LDB2: variants seen among roughly 807,000 people sequenced by gnomAD.
LDB2 encodes LIM domain binding 2, also known as LIM domain-binding protein 2.
A neutral mutation model predicts 44.3 loss-of-function variants in LDB2; 12 were observed. That is an observed-to-expected ratio of 0.27 (90% CI 0.17 to 0.44). The LOEUF is 0.44. LDB2 is among the 20% of genes least tolerant of loss of function. The pLI, the probability that LDB2 is intolerant of heterozygous loss-of-function variation, is 1.00. For missense variants in LDB2, 344 were observed against 473.5 expected (o/e 0.73, Z 2.54); for synonymous variants, 164 against 174.8 (o/e 0.94, Z 0.49).
At chr4:16,611,149 C>G (rs1024763190) in intron 2 of LDB2, among the ~76,000 whole-genome samples, 48 of 152,114 alleles carry the variant, frequency 3.2e-4, no homozygotes, top group African/African-American at 1.1e-3. Context: ...AAAATCCTTT[C>G]CAGACAAGCA....
intron 2 of LDB2, among the ~76,000 whole-genome samples, chr4:16,670,550 T>G (rs886361638): frequency 3.9e-5 from 6 of 152,208 alleles, no homozygotes; most frequent in Admixed American, 1.3e-4. Context: ...TTCCAAAGTT[T>G]AGAACTAGTT....
At chr4:16,532,986 C>CTCAA (rs1373787679) in intron 5 of LDB2, among the ~76,000 whole-genome samples, 1 of 152,206 alleles carries the variant, frequency 6.6e-6, no homozygotes, top group Non-Finnish European at 1.5e-5. Flanking sequence ...AACTCAACAT[C>CTCAA]TCAATCAGCT....
chr4:16,646,996 A>G (rs922549921), intron 2 of LDB2, among the ~76,000 whole-genome samples: 7 of 152,238 alleles, frequency 4.6e-5, no homozygotes, highest in Non-Finnish European at 8.8e-5. Context: ...TATCCATGTA[A>G]AAACTTGTAC....
intron 2 of LDB2, among the ~76,000 whole-genome samples, chr4:16,684,197 A>G (rs1479448484): frequency 2.0e-5 from 3 of 152,220 alleles, no homozygotes; most frequent in Non-Finnish European, 2.9e-5. Flanking sequence ...CTTTTACATC[A>G]GCAACTAATT....
chr4:16,596,756 C>T (rs1721039208), intron 2 of LDB2, among the ~76,000 whole-genome samples: 2 of 152,092 alleles, frequency 1.3e-5, no homozygotes, highest in Non-Finnish European at 2.9e-5. Context: ...TGGTCCTGTC[C>T]CATTTTAGTT....
chr4:16,709,159 T>A (rs1406276574), intron 2 of LDB2, among the ~76,000 whole-genome samples: 1 of 152,182 alleles, frequency 6.6e-6, no homozygotes, highest in African/African-American at 2.4e-5. Context: ...TCAATAAATA[T>A]TTCTTGAATA....
chr4:16,625,039 T>G (rs1729904614), intron 2 of LDB2, among the ~76,000 whole-genome samples: 1 of 152,118 alleles, frequency 6.6e-6, no homozygotes, highest in Non-Finnish European at 1.5e-5. Context: ...AGGTCGGGAC[T>G]CCTTAATGTG....
chr4:16,666,097 T>C (rs1483854413), intron 2 of LDB2, among the ~76,000 whole-genome samples: 1 of 152,220 alleles, frequency 6.6e-6, no homozygotes, highest in Non-Finnish European at 1.5e-5. Flanking sequence ...TTCTGCGGTT[T>C]TAAGCAGCCT....
At chr4:16,790,978 C>G (rs1046102575) in intron 1 of LDB2, among the ~76,000 whole-genome samples, 2 of 152,150 alleles carry the variant, frequency 1.3e-5, no homozygotes, top group Admixed American at 6.5e-5. Flanking sequence ...TTCTTCACAC[C>G]CTTTTTGCTC....
intron 2 of LDB2, among the ~76,000 whole-genome samples, chr4:16,719,962 ATTATT>A (rs1034113313): frequency 6.6e-6 from 1 of 152,148 alleles, no homozygotes; most frequent in African/African-American, 2.4e-5. Flanking sequence ...GATTCTAGAG[ATTATT>A]TTAAGTAAAA....
chr4:16,509,630 C>CTAT (rs1192928062), intron 6 of LDB2, among the ~76,000 whole-genome samples: 1 of 152,082 alleles, frequency 6.6e-6, no homozygotes, highest in Non-Finnish European at 1.5e-5. Context: ...TAGTTAGGAA[C>CTAT]TATTATTGTA....
intron 2 of LDB2, among the ~76,000 whole-genome samples, chr4:16,600,042 G>C (rs1722146240): frequency 6.6e-6 from 1 of 152,136 alleles, no homozygotes; most frequent in Non-Finnish European, 1.5e-5. Context: ...TTCAGTGTAT[G>C]ATTTTATTAT....
chr4:16,687,956 T>A (rs1749673752), intron 2 of LDB2, among the ~76,000 whole-genome samples: 2 of 152,198 alleles, frequency 1.3e-5, no homozygotes, highest in African/African-American at 2.4e-5. Flanking sequence ...AGAAAAGTAG[T>A]ATCCCACTTG....
At chr4:16,513,347 C>T (rs553794215) in intron 5 of LDB2, among the ~76,000 whole-genome samples, 1 of 152,170 alleles carries the variant, frequency 6.6e-6, no homozygotes, top group East Asian at 1.9e-4. Context: ...GAGCTGCGTG[C>T]CTCTCTTCAG....
Position 16,752,300 on chromosome 4 carries a change from T to C in LDB2, c.235+6858A>G, listed in dbSNP as rs1403390116. 1.8e-5 allele frequency: 6 copies of C among 339,294 alleles called. No individual in the cohort carries two copies. In the East Asian group the frequency reaches 2.8e-4, roughly 16 times the overall value. The allele number at this position is 339,294 out of a possible 1,614,324, so 21.0% of individuals were successfully genotyped here. On this transcript the variant is annotated intron_variant, in intron 2 of 7. Transcript: ENST00000304523. The stretch of plus-strand genomic sequence containing the variant: ...AAATAAATTACCAGCACTTGATAAA[T>C]GTTTAGTAGTTCCTTGCTCTCTGAG...
chr4:16,847,640 CG>C (rs1787315690), intron 1 of LDB2, among the ~76,000 whole-genome samples: 1 of 140,016 alleles, frequency 7.1e-6, no homozygotes, highest in African/African-American at 2.6e-5. Context: ...TTTTTTGAGA[CG>C]GAGTCTCGCT....
At position 16,862,470 on chromosome 4, in the gene LDB2, C is replaced by T. The variant is rs560832657; in HGVS notation, c.132+35884G>A. The stretch of plus-strand genomic sequence containing the variant: ...CCAACATGGAGAAACCCTGTCTCTA[C>T]TAAAAATACAATATTAGCTAGGCGT... On this transcript the variant is annotated intron_variant, in intron 1 of 7. Coordinates refer to ENST00000304523, the MANE Select transcript of LDB2 (RefSeq NM_001290.5). Among the ~76,000 whole-genome samples, 523 of 151,682 alleles carry T rather than the reference C, an allele frequency of 3.4e-3. 2 individuals are homozygous for T. Among genetic ancestry groups the T allele is most frequent in the African/African-American group, 0.011 (443 of 41,380 alleles).
At chr4:16,773,238 C>G (rs551441769) in intron 1 of LDB2, among the ~76,000 whole-genome samples, 1 of 152,276 alleles carries the variant, frequency 6.6e-6, no homozygotes, top group African/African-American at 2.4e-5. Context: ...GCACCAGGGA[C>G]TGGTTTCGTG....
intron 1 of LDB2, among the ~76,000 whole-genome samples, chr4:16,817,352 C>T (rs1453328421): frequency 6.6e-6 from 1 of 152,152 alleles, no homozygotes; most frequent in East Asian, 1.9e-4. Context: ...ACCTCTTGTC[C>T]ACCTCACTAA....
Sources: allele counts gnomAD v4.1 joint callset (sites outside exome capture counted in the v4.1 genomes callset), GRCh38; gene constraint gnomAD v4.1.1; transcripts MANE v1.5; gene names NCBI Gene and HGNC (gene_info 2026-07-23, HGNC 2026-07-21).